The following INSYN2B variants were observed in gnomAD, a reference collection of about 807,000 sequenced individuals.
INSYN2B encodes inhibitory synaptic factor family member 2B.
A neutral mutation model predicts 41.2 loss-of-function variants in INSYN2B; 16 were observed. That is an observed-to-expected ratio of 0.39 (90% CI 0.26 to 0.59). The LOEUF is 0.59. INSYN2B is among the 20% of genes least tolerant of loss of function. The pLI is 0.57. For synonymous variants in INSYN2B, 245 were observed against 244.4 expected (o/e 1.00, Z -0.02); for missense variants, 608 against 646.4 (o/e 0.94, Z 0.64).
At chr5:169,874,440 G>C (rs1044143696) in intron 3 of INSYN2B, among the ~76,000 whole-genome samples, 1 of 150,524 alleles carries the variant, frequency 6.6e-6, no homozygotes, top group Non-Finnish European at 1.5e-5. Flanking sequence ...AAAGCAATTG[G>C]TGGTCTGTGG....
chr5:169,931,217 C>A (rs1775733308), intron 1 of INSYN2B, among the ~76,000 whole-genome samples: 1 of 152,208 alleles, frequency 6.6e-6, no homozygotes. Context: ...AACCATCTTA[C>A]AAATACATGT....
Position 169,882,807 on chromosome 5 carries a change from C to G in INSYN2B, c.1092G>C (p.Glu364Asp). ...CQEQTANNPT[E>D]SDTLEFPNCP... ...AATTTGGAAACTCCAGTGTGTCTGA[C>G]TCGGTGGGGTTGTTTGCCGTCTGCT... The change falls in exon 2 of 4, where the codon GAG becomes GAC. Residue 364 changes from glutamate to aspartate, a missense_variant. Glu to Asp is a conservative substitution (Grantham distance 45, BLOSUM62 2). Coordinates refer to ENST00000377365, the MANE Select transcript of INSYN2B (RefSeq NM_001129891.3). 3.9e-6 allele frequency: 6 copies of G among 1,551,576 alleles called. No homozygotes were observed. Among genetic ancestry groups the G allele is most frequent in the Non-Finnish European group, 5.2e-6 (6 of 1,146,862 alleles).
At chr5:169,950,294 A>G (rs1337287056) in intron 1 of INSYN2B, among the ~76,000 whole-genome samples, 4 of 152,232 alleles carry the variant, frequency 2.6e-5, no homozygotes, top group African/African-American at 9.6e-5. Flanking sequence ...GAGAACAAGC[A>G]GACCTTCCTC....
At chr5:169,912,621 ATG>A (rs59287791) in intron 1 of INSYN2B, among the ~76,000 whole-genome samples, 3 of 150,408 alleles carry the variant, frequency 2.0e-5, no homozygotes, top group Non-Finnish European at 1.5e-5. Context: ...GGTGGAGTGT[ATG>A]TGTGTGTGTG....
chr5:169,913,798 A>T (rs528774908), intron 1 of INSYN2B, among the ~76,000 whole-genome samples: 1 of 152,346 alleles, frequency 6.6e-6, no homozygotes, highest in South Asian at 2.1e-4. Context: ...GAGGAATTAG[A>T]TGCTTCGCTA....
At chr5:169,870,397 T>C (rs1401330282) in intron 3 of INSYN2B, among the ~76,000 whole-genome samples, 2 of 151,796 alleles carry the variant, frequency 1.3e-5, no homozygotes, top group Non-Finnish European at 2.9e-5. Flanking sequence ...TAGCAAAAAA[T>C]AGATAAGCTC....
At chr5:169,900,616 A>T (rs261056) in intron 1 of INSYN2B, among the ~76,000 whole-genome samples, 118,061 of 152,094 alleles carry the variant, frequency 0.78, 46,140 homozygotes, top group Admixed American at 0.81. Flanking sequence ...AAGAGTATTG[A>T]CTCCTTCATG....
intron 1 of INSYN2B, among the ~76,000 whole-genome samples, chr5:169,964,622 T>C (rs904993738): frequency 2.0e-5 from 3 of 152,188 alleles, no homozygotes; most frequent in African/African-American, 7.2e-5. Flanking sequence ...ATGGTCAAAG[T>C]TGGTAAGCCA....
intron 1 of INSYN2B, among the ~76,000 whole-genome samples, chr5:169,903,740 AG>A (rs1277430612): frequency 2.0e-5 from 3 of 151,408 alleles, no homozygotes; most frequent in Admixed American, 2.0e-4. Flanking sequence ...GGTGGGTGAG[AG>A]CTCGGTCACT....
At chr5:169,918,050 T>A (rs1774972222) in intron 1 of INSYN2B, among the ~76,000 whole-genome samples, 1 of 152,236 alleles carries the variant, frequency 6.6e-6, no homozygotes, top group South Asian at 2.1e-4. Flanking sequence ...AGGATTAGCA[T>A]AAACTTCTGA....
intron 1 of INSYN2B, among the ~76,000 whole-genome samples, chr5:169,928,236 A>G (rs1253883870): frequency 6.6e-6 from 1 of 152,212 alleles, no homozygotes; most frequent in Admixed American, 6.5e-5. Flanking sequence ...GGAGGGGTCT[A>G]CAGTTATTGC....
chr5:169,884,013 A>T lies in INSYN2B; in HGVS notation c.-115T>A, dbSNP rs888205495. On this transcript the variant is annotated 5_prime_UTR_variant, in exon 2 of 4. Coordinates refer to ENST00000377365, the MANE Select transcript of INSYN2B (RefSeq NM_001129891.3). ...CAATCATAGAGAACTGCTGGCCAGG[A>T]TGGAGTGGTCCTCTCCTCTTAGTAT... 6.8e-6 allele frequency: 7 copies of T among 1,031,432 alleles called. No individual in the cohort carries two copies. The highest frequency in any genetic ancestry group is 9.3e-6 in the Non-Finnish European group (7 of 754,530). 63.9% of individuals were successfully genotyped at this position (1,031,432 alleles called of 1,614,324 possible).
intron 3 of INSYN2B, among the ~76,000 whole-genome samples, chr5:169,868,197 TAGAC>T (rs1561779261): frequency 6.6e-6 from 1 of 152,228 alleles, no homozygotes; most frequent in South Asian, 2.1e-4. Flanking sequence ...AACAGTAAGT[TAGAC>T]AGATGTGGAT....
In INSYN2B at chr5:169,894,563, AG is replaced by A. The variant is rs200147973; in HGVS notation, c.-918-9748del. Reference sequence around the variant, plus strand: ...GAAGAATTTTCACAAGGGGAAGAGAAGGGGGGAAGTTTATGGTCTGATCTAA... The same window carrying A: ...GAAGAATTTTCACAAGGGGAAGAGAAGGGGGAAGTTTATGGTCTGATCTAA... On this transcript the variant is annotated intron_variant, in intron 1 of 3. Coordinates refer to ENST00000377365, the MANE Select transcript of INSYN2B (RefSeq NM_001129891.3). Among the ~76,000 whole-genome samples, 951 of 152,298 alleles carry A rather than the reference AG, an allele frequency of 6.2e-3. 3 individuals are homozygous for A. Among genetic ancestry groups the A allele is most frequent in the East Asian group, 9.8e-3 (51 of 5,186 alleles).
rs752498110 is a variant in INSYN2B, at chr5:169,883,677, A to T, written c.222T>A (p.His74Gln). Residue 74 changes from histidine to glutamine, a missense_variant, in exon 2 of 4, where the codon CAT becomes CAA. His to Gln is a conservative substitution (Grantham distance 24). Coordinates refer to ENST00000377365, the MANE Select transcript of INSYN2B (RefSeq NM_001129891.3). ...AGGAGAGCGAGTAGGTGGGGGGAAGATGGTGCCTGGTTGCTTGAGTCTTCC... is the reference window on the plus strand; with the variant it reads ...AGGAGAGCGAGTAGGTGGGGGGAAGTTGGTGCCTGGTTGCTTGAGTCTTCC... ...VMGKTQATRH[H>Q]LPPTYSLSFP... 6.4e-7 allele frequency: 1 copy of T among 1,550,990 alleles called. No homozygotes were observed. The highest frequency in any genetic ancestry group is 1.2e-5 in the South Asian group (1 of 83,960).
intron 1 of INSYN2B, among the ~76,000 whole-genome samples, chr5:169,975,436 G>C (rs147630402): frequency 1.3e-5 from 2 of 152,130 alleles, no homozygotes; most frequent in East Asian, 1.9e-4. Context: ...CCAAGGGCCC[G>C]TGGGATCAGA....
chr5:169,935,258 C>T (rs1581441083), intron 1 of INSYN2B, among the ~76,000 whole-genome samples: 1 of 152,284 alleles, frequency 6.6e-6, no homozygotes, highest in African/African-American at 2.4e-5. Flanking sequence ...TGCCAAGATC[C>T]TCTCTTTTGT....
At chr5:169,900,551 T>C (rs1773865304) in intron 1 of INSYN2B, among the ~76,000 whole-genome samples, 1 of 152,234 alleles carries the variant, frequency 6.6e-6, no homozygotes, top group African/African-American at 2.4e-5. Context: ...AGGCAAGCTG[T>C]ACATTTACAA....
intron 1 of INSYN2B, among the ~76,000 whole-genome samples, chr5:169,946,224 G>A (rs1776442338): frequency 6.6e-6 from 1 of 152,324 alleles, no homozygotes; most frequent in African/African-American, 2.4e-5. Context: ...CAGCCCTGTA[G>A]GATTATTCTG....
Sources: gnomAD v4.1 joint callset for allele counts (sites outside exome capture counted in the v4.1 genomes callset) on GRCh38, gnomAD v4.1.1 for gene constraint, MANE v1.5 for transcripts, NCBI Gene and HGNC (gene_info 2026-07-23, HGNC 2026-07-21) for gene names.